The following PTPN13 variants were observed in gnomAD, a reference collection of about 807,000 sequenced individuals.
PTPN13 encodes tyrosine-protein phosphatase non-receptor type 13.
In PTPN13, 191 loss-of-function variants were observed where a neutral mutation model predicts 284.0. The observed-to-expected ratio is 0.67, with a 90% CI of 0.60 to 0.76. The LOEUF is 0.76. Ranked by LOEUF, PTPN13 falls within the 30% of genes least tolerant of loss-of-function variation. The pLI, the probability that PTPN13 is intolerant of heterozygous loss-of-function variation, is 0.00. For synonymous variants in PTPN13, 986 were observed against 1,022.3 expected (o/e 0.96, Z 0.68); for missense variants, 2,797 against 2,939.9 (o/e 0.95, Z 1.12).
chr4:86,647,021 G>A (rs1352125665), intron 2 of PTPN13, among the ~76,000 whole-genome samples: 1 of 152,204 alleles, frequency 6.6e-6, no homozygotes, highest in Non-Finnish European at 1.5e-5. Context: ...AAACTAAGCT[G>A]TAGTGAGTGA....
intron 6 of PTPN13, among the ~76,000 whole-genome samples, chr4:86,697,120 G>A (rs1395495497): frequency 6.6e-6 from 1 of 152,104 alleles, no homozygotes; most frequent in Non-Finnish European, 1.5e-5. Flanking sequence ...TCTTGAAGAA[G>A]TAATTCTTCT....
At chr4:86,594,903 A>G (rs1248788130) in intron 1 of PTPN13, 114 bp downstream of exon 1, 1 of 152,308 alleles carries the variant, frequency 6.6e-6, no homozygotes, top group African/African-American at 2.4e-5. Context: ...CCCTAAACCC[A>G]ACTCCTCGGT....
At chr4:86,736,138 C>G (rs970435280) in intron 15 of PTPN13, among the ~76,000 whole-genome samples, 5 of 152,046 alleles carry the variant, frequency 3.3e-5, no homozygotes, top group African/African-American at 1.2e-4. Flanking sequence ...TCTCAAAAGG[C>G]TTAAAATTCA....
intron 35 of PTPN13, among the ~76,000 whole-genome samples, chr4:86,776,470 T>C (rs937075988): frequency 9.9e-5 from 15 of 152,212 alleles, no homozygotes; most frequent in African/African-American, 3.6e-4. Flanking sequence ...ATCACTACTA[T>C]TTAAGCAAGT....
At chr4:86,753,687 C>T (rs543394289) in intron 20 of PTPN13, among the ~76,000 whole-genome samples, 4 of 152,108 alleles carry the variant, frequency 2.6e-5, no homozygotes, top group African/African-American at 9.6e-5. Context: ...TTGAACATCA[C>T]TGGCTTTAAA....
At chr4:86,703,340 G>A (rs1204636644) in intron 7 of PTPN13, among the ~76,000 whole-genome samples, 1 of 151,554 alleles carries the variant, frequency 6.6e-6, no homozygotes, top group Non-Finnish European at 1.5e-5. Context: ...CCTTTTTTAT[G>A]TTGTACAACA....
intron 10 of PTPN13, among the ~76,000 whole-genome samples, chr4:86,731,305 T>A (rs1479918804): frequency 1.3e-5 from 2 of 152,196 alleles, no homozygotes; most frequent in Non-Finnish European, 2.9e-5. Context: ...AGAGTCTAAC[T>A]TGTTTTAAGT....
In PTPN13 at chr4:86,750,718, A is replaced by C. The variant is rs1455243506; in HGVS notation, c.2899A>C (p.Ser967Arg). Reference protein sequence around the residue: ...ASWEEKPREMSKSYHDLSQAS... With the variant: ...ASWEEKPREMRKSYHDLSQAS... ...ATGGGAGGAAAAGCCTAGAGAGATG[A>C]GTAAATCATACCATGATCTCAGTCA... Residue 967 changes from serine to arginine, a missense_variant, in exon 18 of 48, where the codon AGT (serine) becomes CGT (arginine). By Grantham distance (110) the Ser-to-Arg change is moderately radical. Transcript: ENST00000411767. The C allele has an allele frequency of 3.1e-6, 5 of 1,613,814 alleles. No individual in the cohort carries two copies. The highest frequency in any genetic ancestry group is 4.2e-6 in the Non-Finnish European group (5 of 1,179,794).
chr4:86,770,111 C>G lies in PTPN13; in HGVS notation c.4715C>G (p.Ser1572Cys). The G allele has an allele frequency of 1.2e-6, 2 of 1,613,666 alleles. No individual in the cohort carries two copies. The highest frequency in any genetic ancestry group is 2.2e-5 in the East Asian group (1 of 44,872). ...TCATGGTACCCCCAGGAAGTCATATCTGCTCTCAGGGGAACTGCTCCAGAA... is the reference window on the plus strand; with the variant it reads ...TCATGGTACCCCCAGGAAGTCATATGTGCTCTCAGGGGAACTGCTCCAGAA... Reference protein sequence around the residue: ...LKGLSQQEVISALRGTAPEVF... With the variant: ...LKGLSQQEVICALRGTAPEVF... The change falls in exon 30 of 48, where the codon TCT becomes TGT. Residue 1572 changes from serine (S) to cysteine (C), a missense_variant. By Grantham distance (112) the Ser-to-Cys change is moderately radical (BLOSUM62 -1). Coordinates refer to ENST00000411767, the MANE Select transcript of PTPN13 (RefSeq NM_080683.3).
chr4:86,800,566 C>T (rs1310508005), intron 42 of PTPN13, among the ~76,000 whole-genome samples: 3 of 151,900 alleles, frequency 2.0e-5, no homozygotes, highest in Admixed American at 6.6e-5. Flanking sequence ...ACAGGAGAAT[C>T]GCTTGAACCC....
chr4:86,600,059 GTGAT>G (rs1273850268), intron 1 of PTPN13, among the ~76,000 whole-genome samples: 1 of 152,134 alleles, frequency 6.6e-6, no homozygotes, highest in Non-Finnish European at 1.5e-5. Context: ...ATCAAATGAT[GTGAT>G]TGAGCTTTCA....
chr4:86,630,762 C>T (rs1449263790), intron 1 of PTPN13, among the ~76,000 whole-genome samples: 2 of 152,094 alleles, frequency 1.3e-5, no homozygotes, highest in Non-Finnish European at 2.9e-5. Context: ...TTAAACATTC[C>T]TAATTAATCT....
intron 35 of PTPN13, among the ~76,000 whole-genome samples, chr4:86,779,672 C>T (rs1044301266): frequency 6.6e-6 from 1 of 152,128 alleles, no homozygotes; most frequent in Non-Finnish European, 1.5e-5. Flanking sequence ...TCAGCAAGAA[C>T]ATACAGGGGT....
intron 6 of PTPN13, among the ~76,000 whole-genome samples, chr4:86,700,107 T>C (rs866185481): frequency 1.3e-5 from 2 of 152,174 alleles, no homozygotes; most frequent in African/African-American, 2.4e-5. Context: ...GCTGCCATTC[T>C]GAAATGAATT....
intron 10 of PTPN13, among the ~76,000 whole-genome samples, chr4:86,723,508 T>C (rs1199094248): frequency 6.6e-6 from 1 of 152,218 alleles, no homozygotes; most frequent in Non-Finnish European, 1.5e-5. Context: ...ACGGAACCTG[T>C]CCCTGGTGCC....
At chr4:86,665,066 G>T (rs1726906199) in intron 2 of PTPN13, among the ~76,000 whole-genome samples, 1 of 152,128 alleles carries the variant, frequency 6.6e-6, no homozygotes, top group Non-Finnish European at 1.5e-5. Context: ...TAGATTGTCT[G>T]TATATCACTT....
intron 20 of PTPN13, among the ~76,000 whole-genome samples, chr4:86,753,499 G>A (rs1452560552): frequency 6.6e-6 from 1 of 152,048 alleles, no homozygotes; most frequent in Non-Finnish European, 1.5e-5. Flanking sequence ...AACTGCAGGA[G>A]TCTCAGTATG....
chr4:86,794,032 A>G (rs1743010767), intron 40 of PTPN13, among the ~76,000 whole-genome samples: 1 of 152,190 alleles, frequency 6.6e-6, no homozygotes, highest in Admixed American at 6.5e-5. Flanking sequence ...AGACACAAAA[A>G]ACCATTCAAA....
intron 15 of PTPN13, among the ~76,000 whole-genome samples, chr4:86,739,853 G>A (rs1414038611): frequency 2.0e-5 from 3 of 152,244 alleles, no homozygotes; most frequent in Admixed American, 2.0e-4. Context: ...ATTCCAAATG[G>A]GAGAAATTAG....
Sources: allele counts gnomAD v4.1 joint callset (sites outside exome capture counted in the v4.1 genomes callset), GRCh38; gene constraint gnomAD v4.1.1; transcripts MANE v1.5; gene names NCBI Gene and HGNC (gene_info 2026-07-23, HGNC 2026-07-21).